RABGAP1L: variants seen among roughly 807,000 people sequenced by gnomAD.
RABGAP1L encodes the protein RAB GTPase activating protein 1 like, also known as rab GTPase-activating protein 1-like.
A neutral mutation model predicts 137.7 loss-of-function variants in RABGAP1L; 63 were observed. That is an observed-to-expected ratio of 0.46 (90% confidence interval 0.37 to 0.56). RABGAP1L has a LOEUF of 0.56. RABGAP1L is among the 20% of genes least tolerant of loss of function. The pLI, the probability that RABGAP1L is intolerant of heterozygous loss-of-function variation, is 0.00. For missense variants in RABGAP1L, 1,095 were observed against 1,244.0 expected (o/e 0.88, Z 1.80); for synonymous variants, 431 against 433.7 (o/e 0.99, Z 0.08).
At chr1:174,544,505 T>C (rs1021272693) in intron 13 of RABGAP1L, among the ~76,000 whole-genome samples, 1 of 152,214 alleles carries the variant, frequency 6.6e-6, no homozygotes, top group Admixed American at 6.5e-5. Context: ...GTCTAATCTT[T>C]CTTCATGGTT....
intron 19 of RABGAP1L, among the ~76,000 whole-genome samples, chr1:174,823,364 A>G (rs1050975191): frequency 1.3e-5 from 2 of 152,228 alleles, no homozygotes; most frequent in East Asian, 1.9e-4. Flanking sequence ...GCAGTAATCA[A>G]TAATTTTCCC....
intron 14 of RABGAP1L, among the ~76,000 whole-genome samples, chr1:174,639,305 T>C (rs1256590109): frequency 3.3e-5 from 5 of 152,172 alleles, no homozygotes; most frequent in Non-Finnish European, 5.9e-5. Context: ...TCTGAGAGTA[T>C]ACTGATCTTT....
intron 19 of RABGAP1L, among the ~76,000 whole-genome samples, chr1:174,906,470 A>T (rs1028454297): frequency 6.6e-6 from 1 of 152,102 alleles, no homozygotes; most frequent in East Asian, 1.9e-4. Flanking sequence ...TCTACTAAAA[A>T]TACAAAAATT....
chr1:174,898,715 C>A (rs920706495), intron 19 of RABGAP1L, among the ~76,000 whole-genome samples: 17 of 152,126 alleles, frequency 1.1e-4, no homozygotes, highest in Non-Finnish European at 1.8e-4. Flanking sequence ...TGCAAGGATA[C>A]TAAACAGTGA....
chr1:174,660,462 A>C (rs1676291737), intron 14 of RABGAP1L, among the ~76,000 whole-genome samples: 1 of 152,196 alleles, frequency 6.6e-6, no homozygotes, highest in African/African-American at 2.4e-5. Context: ...CTCCACCTTC[A>C]AAACATAGCC....
At chr1:174,175,405 G>A (rs1047793734) in intron 1 of RABGAP1L, among the ~76,000 whole-genome samples, 5 of 151,926 alleles carry the variant, frequency 3.3e-5, no homozygotes, top group Non-Finnish European at 5.9e-5. Context: ...TGCTTTTAAA[G>A]CATTCAGTTT....
intron 13 of RABGAP1L, among the ~76,000 whole-genome samples, chr1:174,406,033 G>C (rs1311537327): frequency 6.6e-6 from 1 of 151,684 alleles, no homozygotes; most frequent in Admixed American, 6.6e-5. Context: ...TAATGAAAGA[G>C]GTTCTTTAAG....
chr1:174,276,001 T>C, intron 9 of RABGAP1L, 66 bp downstream of exon 9: 1 of 1,355,532 alleles, frequency 7.4e-7, no homozygotes, highest in East Asian at 2.4e-5. Context: ...ATGTTGCTTG[T>C]CATGTTTTAA....
rs73041299 is a variant in RABGAP1L at position 174,982,783 on chromosome 1, G to A, written c.2734-51G>A. The A allele has an allele frequency of 6.9e-4, 1,048 of 1,509,542 alleles. 8 individuals carry two copies. The African/African-American group carries it at 0.013, about 19-fold the overall frequency. 93.5% of individuals were successfully genotyped at this position (1,509,542 alleles called of 1,614,324 possible). ...AATTGATAAGTAGTTATGTGTACAT[G>A]CTGCAAGAGTTGTTCTGTTTTCTAG... is the stretch of plus-strand genomic sequence containing the variant. On this transcript the variant is annotated intron_variant, in intron 23 of 25. Transcript: ENST00000681986.
In RABGAP1L at chr1:174,620,591, A is replaced by G. The variant is rs187237293; in HGVS notation, c.1711-16784A>G. The stretch of plus-strand genomic sequence containing the variant: ...AAGATGTTCTTTGAAACCAACGAGA[A>G]CAAAGACACAACGTACCAGAATCTC... On this transcript the variant is annotated intron_variant, in intron 13 of 25. Coordinates refer to ENST00000681986, the MANE Select transcript of RABGAP1L (RefSeq NM_001366446.1). Among the ~76,000 whole-genome samples, 80 of 152,328 alleles carry G rather than the reference A, an allele frequency of 5.3e-4. 1 individual carries two copies. The East Asian group carries it at 0.015, about 28-fold the overall frequency.
In RABGAP1L at chr1:174,278,769, G is replaced by T; in HGVS notation, c.1313G>T (p.Arg438Ile). ...ACTTTCACAGAGACTTTCTTCATGA[G>T]ATTGAAACAGGTAGGACCTTTTTGT... ...RKTFTETFFMRLKQSEGKGHT... is the reference protein window; with the variant it reads ...RKTFTETFFMILKQSEGKGHT... The change falls in exon 10 of 26, where the codon AGA (arginine) becomes ATA (isoleucine). Residue 438 changes from arginine to isoleucine, a missense_variant. Physicochemically the swap from Arg to Ile is moderately conservative, Grantham distance 97. This residue lies in a region of RABGAP1L where 315 missense variants were observed against 324.8 expected (regional missense o/e 0.97). Coordinates refer to ENST00000681986, the MANE Select transcript of RABGAP1L (RefSeq NM_001366446.1). 6.4e-7 allele frequency: 1 copy of T among 1,556,690 alleles called. No homozygotes were observed. Among genetic ancestry groups the T allele is most frequent in the Admixed American group, 2.1e-5 (1 of 47,578 alleles).
chr1:174,162,777 G>GTTTTTTTTTTTT (rs67811794), intron 1 of RABGAP1L, among the ~76,000 whole-genome samples: 95 of 51,528 alleles, frequency 1.8e-3, no homozygotes, highest in East Asian at 6.7e-3. Flanking sequence ...TTCTCTTTCT[G>GTTTTTTTTTTTT]TTTTTTTTTT....
intron 20 of RABGAP1L, chr1:174,958,046 A>T (rs987442546): frequency 6.5e-7 from 1 of 1,529,548 alleles, no homozygotes; most frequent in African/African-American, 1.4e-5. Flanking sequence ...TGTGCATGTC[A>T]TATCCACAAA....
chr1:174,487,972 T>C (rs1659831061), intron 13 of RABGAP1L, among the ~76,000 whole-genome samples: 2 of 152,190 alleles, frequency 1.3e-5, no homozygotes. Flanking sequence ...TATATCTTAT[T>C]ATACTGCCTG....
At chr1:174,546,355 C>T (rs1475803820) in intron 13 of RABGAP1L, among the ~76,000 whole-genome samples, 2 of 151,924 alleles carry the variant, frequency 1.3e-5, no homozygotes, top group Non-Finnish European at 2.9e-5. Context: ...ATGTAGGTAG[C>T]CTATTAGGTA....
Position 174,822,645 on chromosome 1 carries a change from C to G in RABGAP1L, c.2340+10685C>G, listed in dbSNP as rs191310209. On this transcript the variant is annotated intron_variant, in intron 19 of 25. Coordinates refer to ENST00000681986, the MANE Select transcript of RABGAP1L (RefSeq NM_001366446.1). ...TAGACAGAGCAGTCTAGATCCCTTG[C>G]ATGTGCAGTTCACAATAGGGTTCAC... Among the ~76,000 whole-genome samples, 4 of 152,198 alleles carry G rather than the reference C, an allele frequency of 2.6e-5. No individual in the cohort carries two copies. The South Asian group carries it at 8.3e-4, about 32-fold the overall frequency.
At chr1:174,358,570 A>G (rs1436977166) in intron 11 of RABGAP1L, among the ~76,000 whole-genome samples, 1 of 152,188 alleles carries the variant, frequency 6.6e-6, no homozygotes, top group Non-Finnish European at 1.5e-5. Flanking sequence ...TTCTGAGAAC[A>G]CAGAGTACGT....
At chr1:174,217,381 C>T (rs1203553702) in intron 1 of RABGAP1L, among the ~76,000 whole-genome samples, 2 of 152,160 alleles carry the variant, frequency 1.3e-5, no homozygotes, top group Non-Finnish European at 2.9e-5. Flanking sequence ...TGTTAGCCTG[C>T]AGATGGTATT....
chr1:174,163,027 G>T (rs1557991830), intron 1 of RABGAP1L, among the ~76,000 whole-genome samples: 1 of 151,908 alleles, frequency 6.6e-6, no homozygotes, highest in Non-Finnish European at 1.5e-5. Flanking sequence ...CCAGGTGCTG[G>T]TATTTCAAAG....
Sources: gnomAD v4.1 joint callset for allele counts (sites outside exome capture counted in the v4.1 genomes callset) on GRCh38, gnomAD v4.1.1 for gene constraint, gnomAD v4.1.1 regional missense constraint, MANE v1.5 for transcripts, NCBI Gene and HGNC (gene_info 2026-07-23, HGNC 2026-07-21) for gene names.